TRPM5: variants seen among roughly 807,000 people sequenced by gnomAD.
TRPM5 encodes the protein transient receptor potential cation channel subfamily M member 5, also known as MLSN1 and TRP-related.
In TRPM5, 121 loss-of-function variants were observed where a neutral mutation model predicts 124.9. The ratio of observed to expected loss-of-function variants is 0.97; its 90% confidence interval spans 0.84 to 1.13. The LOEUF is 1.13. TRPM5 is among the 50% of genes most tolerant of loss of function. The probability of loss-of-function intolerance (pLI) is 0.00; values close to 1 mark genes in which losing one functional copy is unlikely to be tolerated. For synonymous variants in TRPM5, 781 were observed against 700.5 expected, an observed-to-expected ratio of 1.11 and a Z score of -1.81; for missense variants, 1,643 against 1,589.1, an observed-to-expected ratio of 1.03 and a Z score of -0.58.
chr11:2,420,512 G>T, intron 3 of TRPM5, 107 bp from the exon 9 acceptor site: 1 of 1,161,464 alleles, frequency 8.6e-7, no homozygotes, highest in South Asian at 1.6e-5. Flanking sequence ...ATGGGGCCCC[G>T]CACAAGGCTT....
At chr11:2,422,708 G>C (rs7122941) in intron 1 of TRPM5, among the ~76,000 whole-genome samples, 66,000 of 151,428 alleles carry the variant, frequency 0.44, 14,711 homozygotes, top group East Asian at 0.62. Context: ...GGACTTCAGG[G>C]GTCCCGGTTA....
At chr11:2,441,311 C>T in the TRPM5 span, among the ~76,000 whole-genome samples, 1 of 152,140 alleles carries the variant, frequency 6.6e-6, no homozygotes, top group Non-Finnish European at 1.5e-5. The surrounding 1 kb of genome is among the most constrained non-coding windows in gnomAD (Gnocchi z 7.2). Context: ...GGGGGCCCTC[C>T]TCACCTCCTT....
At chr11:2,432,543 G>A in the TRPM5 span, among the ~76,000 whole-genome samples, 1 of 152,226 alleles carries the variant, frequency 6.6e-6, no homozygotes, top group Non-Finnish European at 1.5e-5. Flanking sequence ...GAGAGCGTGA[G>A]CCGTCCCTGA....
the TRPM5 span, among the ~76,000 whole-genome samples, chr11:2,431,007 G>A: frequency 6.6e-6 from 1 of 152,126 alleles, no homozygotes; most frequent in Non-Finnish European, 1.5e-5. Flanking sequence ...AGTGGTTATG[G>A]TAGCAGGCCA....
At chr11:2,411,080 C>G (rs554551203) in intron 18 of TRPM5, among the ~76,000 whole-genome samples, 14 of 152,274 alleles carry the variant, frequency 9.2e-5, no homozygotes, top group African/African-American at 2.9e-4. Flanking sequence ...CCCTGGCTGC[C>G]TTGGGGTCTC....
intron 20 of TRPM5, 76 bp downstream of exon 25, chr11:2,407,043 C>T: frequency 6.9e-7 from 1 of 1,441,712 alleles, no homozygotes; most frequent in East Asian, 2.5e-5. Context: ...TCCAGACCTG[C>T]CTCCAGCGCA....
At chr11:2,405,441 G>A (rs1850295708) in intron 23 of TRPM5, 86 bp downstream of exon 28, 4 of 1,377,226 alleles carry the variant, frequency 2.9e-6, no homozygotes, top group East Asian at 2.5e-5. Flanking sequence ...GGAAGGCAGA[G>A]CACACAGCAC....
chr11:2,435,357 C>G, the TRPM5 span, among the ~76,000 whole-genome samples: 1 of 152,088 alleles, frequency 6.6e-6, no homozygotes, highest in Non-Finnish European at 1.5e-5. The surrounding 1 kb of genome is among the most constrained non-coding windows in gnomAD (Gnocchi z 4.1). Context: ...GGTCTATCCA[C>G]CCACTCACTC....
chr11:2,438,512 C>A, the TRPM5 span, among the ~76,000 whole-genome samples: 2 of 152,130 alleles, frequency 1.3e-5, no homozygotes, highest in South Asian at 4.2e-4. This position sits in a 1 kb window ranked among gnomAD's most constrained non-coding sequence, Gnocchi z 5.9. Flanking sequence ...CAAAAAAATA[C>A]AAAAATTAGC....
the TRPM5 span, among the ~76,000 whole-genome samples, chr11:2,432,607 C>T: frequency 6.6e-6 from 1 of 152,248 alleles, no homozygotes; most frequent in Non-Finnish European, 1.5e-5. Flanking sequence ...TGGCTCCCCA[C>T]CTGCACCACA....
chr11:2,415,491 C>G lies in TRPM5; in HGVS notation c.1129-20G>C, dbSNP rs772943761. The G allele has an allele frequency of 6.6e-7, 1 of 1,506,584 alleles. No homozygotes were observed. The highest frequency in any genetic ancestry group is 8.9e-7 in the Non-Finnish European group (1 of 1,121,594). 93.3% of individuals were successfully genotyped at this position (1,506,584 alleles called of 1,614,324 possible). On this transcript the variant is annotated intron_variant, in intron 8 of 23. Transcript: ENST00000155858. ...ACAGGACTTGGCGGCCATGGGCACC[C>G]GAGGGAAGGGGGACAAGAGAGTGAG...
intron 11 of TRPM5, 32 bp downstream of exon 16, chr11:2,414,683 C>T (rs752664089): frequency 4.3e-5 from 65 of 1,512,222 alleles, no homozygotes; most frequent in South Asian, 4.3e-4. Flanking sequence ...CTCCCCCGCG[C>T]GCGGGCCCGG....
intron 23 of TRPM5, 144 bp downstream of exon 28, chr11:2,405,383 G>T: frequency 1.2e-6 from 1 of 845,548 alleles, no homozygotes; most frequent in South Asian, 1.7e-5. Flanking sequence ...ACACCACCCT[G>T]AAGAGCCGCG....
chr11:2,417,624 C>T (rs1054827127), intron 7 of TRPM5, 103 bp downstream of exon 12: 46 of 844,206 alleles, frequency 5.4e-5, no homozygotes, highest in African/African-American at 4.9e-4. Flanking sequence ...AAGGGGCAGG[C>T]GGCCGAGCGT....
At chr11:2,411,446 G>T (rs549941084) in exon 18 of TRPM5, 11 of 1,612,202 alleles carry the variant, frequency 6.8e-6, no homozygotes, top group Non-Finnish European at 9.3e-6. Context: ...CGTCATGGGG[G>T]TGCAGCAGCG....
At chr11:2,437,888 G>A in the TRPM5 span, among the ~76,000 whole-genome samples, 1 of 152,110 alleles carries the variant, frequency 6.6e-6, no homozygotes, top group Non-Finnish European at 1.5e-5. This position sits in a 1 kb window ranked among gnomAD's most constrained non-coding sequence, Gnocchi z 5.6. Context: ...CCGCCTGTGG[G>A]GTTAGGATCA....
chr11:2,430,962 G>A, the TRPM5 span, among the ~76,000 whole-genome samples: 2 of 152,086 alleles, frequency 1.3e-5, no homozygotes, highest in Non-Finnish European at 2.9e-5. Context: ...CATGTTTATG[G>A]TAGTGATGAC....
the TRPM5 span, among the ~76,000 whole-genome samples, chr11:2,437,795 G>C: frequency 6.6e-6 from 1 of 152,172 alleles, no homozygotes; most frequent in East Asian, 1.9e-4. The surrounding 1 kb of genome is among the most constrained non-coding windows in gnomAD (Gnocchi z 5.6). Context: ...CCTGCTGGTA[G>C]GGGTGGGTCT....
intron 2 of TRPM5, among the ~76,000 whole-genome samples, chr11:2,421,433 C>T (rs1224923539): frequency 2.0e-5 from 3 of 152,216 alleles, no homozygotes; most frequent in South Asian, 2.1e-4. Context: ...GTGGCACCCC[C>T]ACCCCACCTG....
Sources: gnomAD v4.1 joint callset for allele counts (sites outside exome capture counted in the v4.1 genomes callset) on GRCh38, gnomAD v4.1.1 for gene constraint, Gnocchi (gnomAD v3.1) non-coding constraint, MANE v1.5 for transcripts, NCBI Gene and HGNC (gene_info 2026-07-23, HGNC 2026-07-21) for gene names.